The following SHISA9 variants were observed in gnomAD, a reference collection of about 807,000 sequenced individuals.
The protein encoded by SHISA9 is shisa family member 9, also known as protein shisa-9.
Under a neutral mutation model 38.0 loss-of-function variants are expected in SHISA9, and 13 were observed. That is an observed-to-expected ratio of 0.34 (90% confidence interval 0.22 to 0.54). SHISA9 has a LOEUF of 0.54. Among genes scored for constraint, SHISA9 ranks in the 20% least tolerant of loss-of-function variants. The probability of loss-of-function intolerance (pLI) is 0.91; values close to 1 mark genes in which losing one functional copy is unlikely to be tolerated. For synonymous variants in SHISA9, 275 were observed against 242.0 expected, an observed-to-expected ratio of 1.14 and a Z score of -1.27; for missense variants, 538 against 575.8, an observed-to-expected ratio of 0.93 and a Z score of 0.67.
intron 2 of SHISA9, among the ~76,000 whole-genome samples, chr16:13,135,940 G>A (rs925576095): frequency 6.6e-6 from 1 of 152,166 alleles, no homozygotes; most frequent in Admixed American, 6.5e-5. Context: ...TCAACCAGAA[G>A]CTGACATGTC....
At chr16:13,286,239 C>G in the SHISA9 span, among the ~76,000 whole-genome samples, 1 of 152,100 alleles carries the variant, frequency 6.6e-6, no homozygotes, top group African/African-American at 2.4e-5. Flanking sequence ...AAGCTATGCC[C>G]CAACCACGCT....
chr16:13,539,358 T>TATATATATATATAA, the SHISA9 span, among the ~76,000 whole-genome samples: 7 of 65,362 alleles, frequency 1.1e-4, no homozygotes, highest in East Asian at 7.1e-4. Context: ...TATATATATA[T>TATATATATATATAA]AAAGACAGGA....
chr16:13,445,815 G>A, the SHISA9 span, among the ~76,000 whole-genome samples: 1 of 152,132 alleles, frequency 6.6e-6, no homozygotes, highest in African/African-American at 2.4e-5. Flanking sequence ...GTGACTTTGG[G>A]AGGTTGCTAA....
intron 2 of SHISA9, among the ~76,000 whole-genome samples, chr16:13,109,668 G>A (rs2073959206): frequency 6.6e-6 from 1 of 152,092 alleles, no homozygotes; most frequent in African/African-American, 2.4e-5. Flanking sequence ...TAAGATCCTT[G>A]TGCCTGTTCT....
At chr16:12,981,148 T>G (rs1225121500) in intron 2 of SHISA9, among the ~76,000 whole-genome samples, 1 of 152,208 alleles carries the variant, frequency 6.6e-6, no homozygotes, top group Non-Finnish European at 1.5e-5. Flanking sequence ...ATGGGCAATG[T>G]GGATGCGCAA....
chr16:13,430,277 T>G, the SHISA9 span, among the ~76,000 whole-genome samples: 729 of 152,280 alleles, frequency 4.8e-3, 18 homozygotes, highest in East Asian at 0.01. Context: ...TGACAGTCAT[T>G]TGAGTATTGT....
At chr16:13,455,680 A>C in the SHISA9 span, among the ~76,000 whole-genome samples, 1 of 152,186 alleles carries the variant, frequency 6.6e-6, no homozygotes, top group Non-Finnish European at 1.5e-5. Flanking sequence ...TTCTTTATTA[A>C]TTCGGTGTGG....
At chr16:13,257,469 A>G in the SHISA9 span, among the ~76,000 whole-genome samples, 3 of 152,302 alleles carry the variant, frequency 2.0e-5, no homozygotes, top group Admixed American at 1.3e-4. Flanking sequence ...TATACTGTCT[A>G]CGCTCATTCA....
the SHISA9 span, among the ~76,000 whole-genome samples, chr16:13,545,210 G>T: frequency 1.3e-5 from 2 of 152,172 alleles, no homozygotes; most frequent in Non-Finnish European, 2.9e-5. Flanking sequence ...GTCCAAGATC[G>T]CACACTGGTG....
chr16:12,907,805 A>C (rs1208285421), intron 1 of SHISA9, among the ~76,000 whole-genome samples: 2 of 152,166 alleles, frequency 1.3e-5, no homozygotes. Flanking sequence ...GGGTCTGGTG[A>C]CATTGGATCT....
intron 2 of SHISA9, among the ~76,000 whole-genome samples, chr16:13,015,835 CTT>C (rs2072736549): frequency 7.9e-6 from 1 of 125,810 alleles, no homozygotes; most frequent in Admixed American, 7.8e-5. Context: ...CTCTCTCTCT[CTT>C]TTCTTTCTTT....
chr16:12,938,148 G>C (rs934709754), intron 2 of SHISA9, among the ~76,000 whole-genome samples: 9 of 152,204 alleles, frequency 5.9e-5, no homozygotes, highest in African/African-American at 2.2e-4. Context: ...GAAAGCCTTG[G>C]TTAGGTGTTG....
At chr16:13,314,715 G>T in the SHISA9 span, among the ~76,000 whole-genome samples, 1 of 152,040 alleles carries the variant, frequency 6.6e-6, no homozygotes, top group Non-Finnish European at 1.5e-5. Flanking sequence ...AAGTTTCCTT[G>T]TGTCCTTTTT....
At chr16:12,954,140 G>A (rs769714500) in intron 2 of SHISA9, among the ~76,000 whole-genome samples, 3 of 152,192 alleles carry the variant, frequency 2.0e-5, no homozygotes, top group Non-Finnish European at 4.4e-5. Flanking sequence ...GGAAGACAAT[G>A]TTGGACTGAA....
At chr16:13,469,365 A>AAAGAAAAAGAAAGAAAGAAAG in the SHISA9 span, among the ~76,000 whole-genome samples, 3 of 64,530 alleles carry the variant, frequency 4.6e-5, no homozygotes, top group Non-Finnish European at 3.1e-5. Context: ...AAAGAAAAGA[A>AAAGAAAAAGAAAGAAAGAAAG]AAAGAAAGAA....
At chr16:13,391,214 A>G in the SHISA9 span, among the ~76,000 whole-genome samples, 2 of 152,208 alleles carry the variant, frequency 1.3e-5, no homozygotes, top group Non-Finnish European at 2.9e-5. Flanking sequence ...AAAAGATGCT[A>G]TAGCCCACAT....
At chr16:13,556,437 G>C in the SHISA9 span, among the ~76,000 whole-genome samples, 1 of 152,072 alleles carries the variant, frequency 6.6e-6, no homozygotes, top group African/African-American at 2.4e-5. Context: ...GAGGCGGGCG[G>C]ATCACGAGGT....
chr16:12,934,126 T>C (rs1357302030), intron 2 of SHISA9, among the ~76,000 whole-genome samples: 1 of 152,106 alleles, frequency 6.6e-6, no homozygotes, highest in Non-Finnish European at 1.5e-5. Context: ...GGAAGTCCAG[T>C]GGGGCTGAAG....
the SHISA9 span, among the ~76,000 whole-genome samples, chr16:13,403,059 G>A: frequency 6.6e-6 from 1 of 151,828 alleles, no homozygotes; most frequent in Non-Finnish European, 1.5e-5. Context: ...AGCCGAGATC[G>A]TGCCACTGCA....
Sources: allele counts gnomAD v4.1 joint callset (sites outside exome capture counted in the v4.1 genomes callset), GRCh38; gene constraint gnomAD v4.1.1; transcripts MANE v1.5; gene names NCBI Gene and HGNC (gene_info 2026-07-23, HGNC 2026-07-21).